Variants in NCAM2 observed in about 807,000 individuals in gnomAD.
The protein encoded by NCAM2 is N-CAM-2.
A neutral mutation model predicts 98.1 loss-of-function variants in NCAM2; 30 were observed. The observed-to-expected ratio is 0.31, with a 90% CI of 0.23 to 0.41. The LOEUF (loss-of-function observed/expected upper bound fraction) is 0.41, where lower values mean the gene tolerates loss of function less well. NCAM2 is among the 10% of genes least tolerant of loss of function. The probability of loss-of-function intolerance (pLI) is 1.00; values close to 1 mark genes in which losing one functional copy is unlikely to be tolerated. For missense variants in NCAM2, 867 were observed against 1,005.8 expected (o/e 0.86, Z 1.87); for synonymous variants, 368 against 342.4 (o/e 1.07, Z -0.83).
rs536022539 is a variant in NCAM2 at position 21,008,122 on chromosome 21, G to C, written c.55+9504G>C. Among the ~76,000 whole-genome samples, 4 of 151,958 alleles carry C rather than the reference G, an allele frequency of 2.6e-5. No individual in the cohort carries two copies. In the East Asian group the frequency reaches 7.8e-4, roughly 30 times the overall value. On this transcript the variant is annotated intron_variant, in intron 1 of 17. Transcript: ENST00000400546. ...ATGTGAAGATTAATATATACAGTGAGGTATGTCCCATATACTTTGATCAAT... is the reference window on the plus strand; with the variant it reads ...ATGTGAAGATTAATATATACAGTGACGTATGTCCCATATACTTTGATCAAT...
chr21:21,480,366 C>CAAAAAAAAAA (rs59203448), intron 15 of NCAM2, among the ~76,000 whole-genome samples: 49 of 69,936 alleles, frequency 7.0e-4, no homozygotes, highest in African/African-American at 2.8e-3. Flanking sequence ...GACTCCATCT[C>CAAAAAAAAAA]AAAAAAAAAA....
chr21:21,476,655 A>G (rs1985203564), intron 14 of NCAM2, among the ~76,000 whole-genome samples: 1 of 152,084 alleles, frequency 6.6e-6, no homozygotes, highest in Non-Finnish European at 1.5e-5. Context: ...TATATTTTAG[A>G]AAAAGAATGA....
At chr21:21,155,609 C>T (rs2067586822) in intron 1 of NCAM2, among the ~76,000 whole-genome samples, 1 of 151,754 alleles carries the variant, frequency 6.6e-6, no homozygotes, top group African/African-American at 2.4e-5. Flanking sequence ...TTGGAGTTAA[C>T]ATTGGCTTTA....
intron 1 of NCAM2, among the ~76,000 whole-genome samples, chr21:21,118,976 ATATC>A (rs1337414295): frequency 6.6e-6 from 1 of 152,164 alleles, no homozygotes; most frequent in Non-Finnish European, 1.5e-5. Flanking sequence ...GAATGTAAAT[ATATC>A]TATAGTTATT....
chr21:21,246,188 A>T (rs1284789064), intron 1 of NCAM2, among the ~76,000 whole-genome samples: 2 of 152,106 alleles, frequency 1.3e-5, no homozygotes. Context: ...TCTCATGGGA[A>T]TTGAGGTTTC....
intron 16 of NCAM2, among the ~76,000 whole-genome samples, chr21:21,521,130 C>T (rs1405384886): frequency 6.6e-6 from 1 of 152,140 alleles, no homozygotes; most frequent in African/African-American, 2.4e-5. Flanking sequence ...AAATAGCCAA[C>T]ACCACCCGGC....
At chr21:21,236,488 G>T (rs1406367248) in intron 1 of NCAM2, among the ~76,000 whole-genome samples, 1 of 151,792 alleles carries the variant, frequency 6.6e-6, no homozygotes, top group African/African-American at 2.4e-5. Context: ...ATGGTGATTT[G>T]TGCAGTTAGT....
chr21:21,505,118 T>C (rs1396014258), intron 15 of NCAM2, among the ~76,000 whole-genome samples: 1 of 152,032 alleles, frequency 6.6e-6, no homozygotes, highest in African/African-American at 2.4e-5. Context: ...TCAAGCAACC[T>C]ACGATTGTAA....
intron 1 of NCAM2, among the ~76,000 whole-genome samples, chr21:21,008,141 G>A (rs2064144217): frequency 6.8e-6 from 1 of 147,328 alleles, no homozygotes; most frequent in African/African-American, 2.5e-5. Context: ...CATATACTTT[G>A]ATCAATGACA....
At chr21:21,448,606 G>C (rs957811441) in intron 12 of NCAM2, among the ~76,000 whole-genome samples, 1 of 151,872 alleles carries the variant, frequency 6.6e-6, no homozygotes, top group Non-Finnish European at 1.5e-5. Context: ...ATGAGTTACA[G>C]TGCTTTTAAA....
At chr21:21,406,929 G>A (rs2076750601) in intron 9 of NCAM2, among the ~76,000 whole-genome samples, 1 of 152,080 alleles carries the variant, frequency 6.6e-6, no homozygotes, top group Non-Finnish European at 1.5e-5. Context: ...AAAGAATATA[G>A]CATAGGCAAA....
Position 21,479,382 on chromosome 21 carries a change from G to T in NCAM2, c.2077+1911G>T, listed in dbSNP as rs561937842. 4.6e-5 allele frequency among the ~76,000 whole-genome samples: 7 copies of T among 151,652 alleles called. No individual in the cohort carries two copies. In the South Asian group the frequency reaches 1.5e-3, roughly 32 times the overall value. ...GCGGATCACGAGGTCAGGAGATGGAGACCATCCTGGCTAACACGGTGAAAC... is the reference window on the plus strand; with the variant it reads ...GCGGATCACGAGGTCAGGAGATGGATACCATCCTGGCTAACACGGTGAAAC... On this transcript the variant is annotated intron_variant, in intron 15 of 17. Coordinates refer to ENST00000400546, the MANE Select transcript of NCAM2 (RefSeq NM_004540.5).
At chr21:21,305,502 G>A (rs1357713126) in intron 5 of NCAM2, among the ~76,000 whole-genome samples, 1 of 152,068 alleles carries the variant, frequency 6.6e-6, no homozygotes, top group East Asian at 1.9e-4. Flanking sequence ...TTGGGAGACA[G>A]GGCATTCATT....
chr21:21,375,718 T>A (rs1000450216), intron 9 of NCAM2, among the ~76,000 whole-genome samples: 5 of 151,736 alleles, frequency 3.3e-5, no homozygotes, highest in African/African-American at 7.2e-5. Context: ...TGATTTTTTT[T>A]AATTTTTCTA....
chr21:21,404,130 A>T (rs1264926402), intron 9 of NCAM2, among the ~76,000 whole-genome samples: 5 of 152,182 alleles, frequency 3.3e-5, no homozygotes, highest in Admixed American at 6.6e-5. Flanking sequence ...TTTCAATTTT[A>T]ATTTCAAATA....
chr21:21,416,345 A>G (rs1019546302), intron 10 of NCAM2, among the ~76,000 whole-genome samples: 9 of 152,180 alleles, frequency 5.9e-5, no homozygotes, highest in African/African-American at 2.2e-4. Context: ...CTGATCACAG[A>G]TCACCATAGC....
rs143873826 is a variant in NCAM2 at position 21,448,534 on chromosome 21, A to G, written c.1654+16253A>G. Among the ~76,000 whole-genome samples the G allele has an allele frequency of 3.7e-3, 558 of 151,548 alleles. 10 individuals carry two copies. The East Asian group carries it at 0.04, about 11-fold the overall frequency. On this transcript the variant is annotated intron_variant, in intron 12 of 17. Coordinates refer to ENST00000400546, the MANE Select transcript of NCAM2 (RefSeq NM_004540.5). ...AATAAATAAATAAATAAATAAATAA[A>G]TAAGTAAAATAATCAGTATTTGGTC... is the stretch of plus-strand genomic sequence containing the variant.
intron 1 of NCAM2, among the ~76,000 whole-genome samples, chr21:21,163,172 C>T (rs1806096039): frequency 6.6e-6 from 1 of 152,150 alleles, no homozygotes; most frequent in South Asian, 2.1e-4. Flanking sequence ...TAAGGAAATA[C>T]ATTCAGCAAT....
intron 1 of NCAM2, among the ~76,000 whole-genome samples, chr21:21,041,058 G>A (rs1345949922): frequency 1.3e-5 from 2 of 151,948 alleles, no homozygotes; most frequent in Non-Finnish European, 2.9e-5. Context: ...CAATTATTAT[G>A]TGCCATTTAA....
Sources: allele counts gnomAD v4.1 joint callset (sites outside exome capture counted in the v4.1 genomes callset), GRCh38; gene constraint gnomAD v4.1.1; transcripts MANE v1.5; gene names NCBI Gene and HGNC (gene_info 2026-07-23, HGNC 2026-07-21).